Variants in MAGI1 observed in about 807,000 individuals in gnomAD.
The protein encoded by MAGI1 is membrane associated guanylate kinase, WW and PDZ domain containing 1, also known as membrane-associated guanylate kinase, WW and PDZ domain-containing protein 1.
Under a neutral mutation model 139.9 loss-of-function variants are expected in MAGI1, and 58 were observed. The ratio of observed to expected loss-of-function variants is 0.41; its 90% CI spans 0.34 to 0.52. The LOEUF (loss-of-function observed/expected upper bound fraction) is 0.52, where lower values mean the gene tolerates loss of function less well. Ranked by LOEUF, MAGI1 falls within the 20% of genes least tolerant of loss-of-function variation. The probability of loss-of-function intolerance (pLI) is 0.12; values close to 1 mark genes in which losing one functional copy is unlikely to be tolerated. For synonymous variants in MAGI1, 812 were observed against 737.9 expected (o/e 1.10, Z -1.63); for missense variants, 1,874 against 1,901.6 (o/e 0.99, Z 0.27).
At chr3:65,516,282 C>T (rs111398276) in intron 2 of MAGI1, among the ~76,000 whole-genome samples, 5,651 of 152,066 alleles carry the variant, frequency 0.037, 333 homozygotes, top group African/African-American at 0.13. Context: ...TGGGTTCAAG[C>T]GATTCCCCTG....
chr3:65,971,648 C>A (rs2065018181), intron 1 of MAGI1, among the ~76,000 whole-genome samples: 1 of 152,144 alleles, frequency 6.6e-6, no homozygotes, highest in Non-Finnish European at 1.5e-5. Flanking sequence ...CTCACAGGAG[C>A]CCTGTTATCA....
chr3:65,974,152 CTT>C (rs1048860800), intron 1 of MAGI1, among the ~76,000 whole-genome samples: 1 of 151,862 alleles, frequency 6.6e-6, no homozygotes, highest in African/African-American at 2.4e-5. Flanking sequence ...GAATTCAACT[CTT>C]GTTTTGCTGA....
intron 12 of MAGI1, 33 bp from the exon 13 acceptor site, chr3:65,401,503 A>G (rs1461780645): frequency 6.2e-7 from 1 of 1,607,874 alleles, no homozygotes; most frequent in Non-Finnish European, 8.5e-7. Context: ...GGGAGGGGGG[A>G]AGAAATCATT....
chr3:65,685,352 T>G (rs1215917385), intron 1 of MAGI1, among the ~76,000 whole-genome samples: 1 of 152,050 alleles, frequency 6.6e-6, no homozygotes, highest in East Asian at 1.9e-4. Flanking sequence ...CAGTTAATAC[T>G]TGTCATTTCT....
chr3:65,749,344 C>A (rs1292081347), intron 1 of MAGI1, among the ~76,000 whole-genome samples: 1 of 152,088 alleles, frequency 6.6e-6, no homozygotes, highest in African/African-American at 2.4e-5. Context: ...AAAACATGAC[C>A]AAAATCAGTT....
At chr3:65,683,714 C>G (rs1052992200) in intron 1 of MAGI1, among the ~76,000 whole-genome samples, 5 of 150,570 alleles carry the variant, frequency 3.3e-5, no homozygotes, top group African/African-American at 1.2e-4. Flanking sequence ...CAACATCATT[C>G]GGCATTAGGA....
chr3:65,923,561 C>A (rs2062339451), intron 1 of MAGI1, among the ~76,000 whole-genome samples: 1 of 152,036 alleles, frequency 6.6e-6, no homozygotes, highest in Admixed American at 6.6e-5. Flanking sequence ...TCATAAAAAG[C>A]CCACTAGGTA....
rs754600873 is a variant in MAGI1 at position 65,437,221 on chromosome 3, C to T, written c.1297G>A (p.Val433Met). The T allele has an allele frequency of 1.2e-6, 2 of 1,611,662 alleles. No individual in the cohort carries two copies. Among genetic ancestry groups the T allele is most frequent in the African/African-American group, 1.3e-5 (1 of 74,922 alleles). Residue 433 changes from valine to methionine, a missense_variant, in exon 10 of 23, where the codon GTG becomes ATG. This residue lies in a region of MAGI1 where 648 missense variants were observed against 598.1 expected (regional missense o/e 1.08). Coordinates refer to ENST00000402939, the MANE Select transcript of MAGI1 (RefSeq NM_001033057.2). ...GGGTGGTTTGGAATAACAGGAGGCACAAGGGCTGAGTGATCTTCTGTCCAT... is the reference window on the plus strand; with the variant it reads ...GGGTGGTTTGGAATAACAGGAGGCATAAGGGCTGAGTGATCTTCTGTCCAT... ...EEWTEDHSAL[V>M]PPVIPNHPPS...
chr3:65,651,262 G>C (rs1333873582), intron 1 of MAGI1, among the ~76,000 whole-genome samples: 1 of 152,126 alleles, frequency 6.6e-6, no homozygotes, highest in African/African-American at 2.4e-5. Flanking sequence ...AACCTGCCTG[G>C]TTTTAGCCAA....
rs559675143 is a variant in MAGI1, at chr3:65,517,931, G to C, written c.431-24300C>G. ...AACCTAGTATGATTTTTGCTTTCTT[G>C]ACTGGATCCCAAATGATATACTTAA... On this transcript the variant is annotated intron_variant, in intron 2 of 22. Transcript: ENST00000402939. 2.4e-3 allele frequency among the ~76,000 whole-genome samples: 370 copies of C among 152,190 alleles called. 3 individuals carry two copies. Among genetic ancestry groups the C allele is most frequent in the Admixed American group, 4.2e-3 (64 of 15,290 alleles).
rs947792547 is a variant in MAGI1 at position 66,038,490 on chromosome 3, A to C, written c.-182T>G. 9.3e-6 allele frequency: 8 copies of C among 855,646 alleles called. No individual in the cohort carries two copies. The highest frequency in any genetic ancestry group is 7.3e-5 in the Admixed American group (2 of 27,390). 53.0% of individuals were successfully genotyped at this position (855,646 alleles called of 1,614,324 possible). ...TCGCGCACTCAAGCCATCATAAAAC[A>C]AACTTTCTGGGCTTCCCCGCGAGCC... On this transcript the variant is annotated 5_prime_UTR_variant, in exon 1 of 23. Transcript: ENST00000402939.
At position 65,413,964 on chromosome 3, in the gene MAGI1, G is replaced by C. The variant is rs367605344; in HGVS notation, c.2168-12494C>G. The stretch of plus-strand genomic sequence containing the variant: ...AGGGAAGAGTAAGTACAATGGAAAC[G>C]AAATACATGCTGACCCAGTAAGCAC... On this transcript the variant is annotated intron_variant, in intron 12 of 22. Coordinates refer to ENST00000402939, the MANE Select transcript of MAGI1 (RefSeq NM_001033057.2). 3.3e-5 allele frequency among the ~76,000 whole-genome samples: 5 copies of C among 152,214 alleles called. No individual in the cohort carries two copies. The South Asian group carries it at 1.0e-3, about 32-fold the overall frequency.
chr3:65,673,500 T>A, intron 1 of MAGI1, among the ~76,000 whole-genome samples: 1 of 152,202 alleles, frequency 6.6e-6, no homozygotes, highest in East Asian at 1.9e-4. Context: ...CTGGGGCATA[T>A]TACCTTGGAT....
At chr3:65,776,232 C>CA (rs1478367051) in intron 1 of MAGI1, among the ~76,000 whole-genome samples, 1 of 128,842 alleles carries the variant, frequency 7.8e-6, no homozygotes, top group Non-Finnish European at 1.6e-5. Flanking sequence ...ACACTACTGG[C>CA]ATATAGTTGG....
intron 1 of MAGI1, among the ~76,000 whole-genome samples, chr3:65,633,530 T>C (rs1429339650): frequency 6.6e-6 from 1 of 152,232 alleles, no homozygotes; most frequent in Non-Finnish European, 1.5e-5. Context: ...TTATTATTAT[T>C]TTCTGCCTGC....
chr3:65,371,362 T>C (rs1206482624), intron 18 of MAGI1, among the ~76,000 whole-genome samples: 1 of 152,256 alleles, frequency 6.6e-6, no homozygotes, highest in Non-Finnish European at 1.5e-5. Flanking sequence ...TACTATAGTC[T>C]ATTAAGTGTG....
In MAGI1 at chr3:65,391,231, T is replaced by G. The variant is rs1035966751; in HGVS notation, c.2327A>C (p.Gln776Pro). The G allele has an allele frequency of 6.2e-7, 1 of 1,614,034 alleles. No homozygotes were observed. The change falls in exon 14 of 23, where the codon CAA becomes CCA. Residue 776 changes from glutamine (Q) to proline (P), a missense_variant. Gln to Pro is a moderately conservative substitution (Grantham distance 76, BLOSUM62 -1). Around this residue, in one of 5 missense-constraint regions of MAGI1, gnomAD observed 482 missense variants for 509.6 expected, o/e 0.95. Transcript: ENST00000402939. The part of the protein sequence containing the change: ...VLPEFPPAEA[Q>P]APDQTDSSGQ... ...AGAGCTGTCAGTTTGATCTGGAGCTTGGGCCTCTGCAGGTGGGAACTCGGG... is the reference window on the plus strand; with the variant it reads ...AGAGCTGTCAGTTTGATCTGGAGCTGGGGCCTCTGCAGGTGGGAACTCGGG...
At chr3:65,724,942 C>T (rs557202939) in intron 1 of MAGI1, among the ~76,000 whole-genome samples, 1 of 152,222 alleles carries the variant, frequency 6.6e-6, no homozygotes, top group South Asian at 2.1e-4. Flanking sequence ...GTTATGGGCA[C>T]TACAATTCAA....
At chr3:66,033,768 T>C (rs975123149) in intron 1 of MAGI1, among the ~76,000 whole-genome samples, 1 of 152,184 alleles carries the variant, frequency 6.6e-6, no homozygotes, top group African/African-American at 2.4e-5. Flanking sequence ...ATAGTTACAG[T>C]TCCTGGGTAA....
Sources: allele counts gnomAD v4.1 joint callset (sites outside exome capture counted in the v4.1 genomes callset), GRCh38; gene constraint gnomAD v4.1.1; regional missense constraint gnomAD v4.1.1; transcripts MANE v1.5; gene names NCBI Gene and HGNC (gene_info 2026-07-23, HGNC 2026-07-21).